The following SPP2 variants were observed in gnomAD, a reference collection of about 807,000 sequenced individuals.
SPP2 encodes secreted phosphoprotein 2.
SPP2 carries 34 observed loss-of-function variants against 28.8 expected under a neutral mutation model. The ratio of observed to expected loss-of-function variants is 1.18; its 90% CI spans 0.90 to 1.57. The LOEUF is 1.57. SPP2 is among the 40% of genes most tolerant of loss of function. The probability of loss-of-function intolerance (pLI) is 0.00; values close to 1 mark genes in which losing one functional copy is unlikely to be tolerated. For synonymous variants in SPP2, 96 were observed against 89.4 expected (o/e 1.07, Z -0.42); for missense variants, 269 against 263.9 (o/e 1.02, Z -0.13).
chr2:234,061,352 T>C (rs1197512659), intron 4 of SPP2, among the ~76,000 whole-genome samples: 1 of 152,118 alleles, frequency 6.6e-6, no homozygotes, highest in Non-Finnish European at 1.5e-5. Context: ...GTTGTATAAA[T>C]GCAAGAAAAC....
chr2:234,067,444 A>G lies in SPP2; in HGVS notation c.550+170A>G, dbSNP rs1054392120. Among the ~76,000 whole-genome samples, 12 of 152,200 alleles carry G rather than the reference A, an allele frequency of 7.9e-5. 1 individual carries two copies. The highest frequency in any genetic ancestry group is 7.9e-4 in the Admixed American group (12 of 15,282). ...TAGTAATGTATAAACTTGCTTTGCAAATCATTAAAAAGGTAGCCTTGAGGC... is the reference window on the plus strand; with the variant it reads ...TAGTAATGTATAAACTTGCTTTGCAGATCATTAAAAAGGTAGCCTTGAGGC... On this transcript the variant is annotated intron_variant, in intron 6 of 7. Coordinates refer to ENST00000168148, the MANE Select transcript of SPP2 (RefSeq NM_006944.3).
Position 234,060,405 on chromosome 2 carries a change from GC to G in SPP2, c.373del (p.Gln125SerfsTer25), listed in dbSNP as rs763798853. On this transcript the variant is annotated frameshift_variant, in exon 4 of 8. Transcript: ENST00000168148. LOFTEE classifies it high-confidence loss of function. ...TTGCAGAAGCACCGTGAAGGTATCT[GC>G]CCAGCAGGTGCAGGGCGTGCATGCT... The part of the protein sequence containing the change: ...AVCRSTVKVS[A>X]QQVQGVHARC... 6.2e-7 allele frequency: 1 copy of G among 1,613,952 alleles called. No homozygotes were observed. The highest frequency in any genetic ancestry group is 1.7e-5 in the Admixed American group (1 of 59,982).
At chr2:234,065,490 G>A (rs556679234) in intron 4 of SPP2, among the ~76,000 whole-genome samples, 2 of 152,314 alleles carry the variant, frequency 1.3e-5, no homozygotes, top group South Asian at 4.1e-4. Flanking sequence ...ATGTTGGCCT[G>A]CCTGGTCTCC....
At chr2:234,060,507 G>T (rs1338928239) in intron 4 of SPP2, 28 bp downstream of exon 4, 1 of 1,568,218 alleles carries the variant, frequency 6.4e-7, no homozygotes, top group Non-Finnish European at 8.8e-7. Context: ...TCTCCTCCCA[G>T]ACCGCACCTC....
rs1693645164 is a variant in SPP2 at position 234,058,164 on chromosome 2, A to T, written c.211-672A>T. ...CAACAGCACTGTGACTCCTGCCTGA[A>T]CAAAGCTTACCTTACTCACATATTT... On this transcript the variant is annotated intron_variant, in intron 2 of 7. Coordinates refer to ENST00000168148, the MANE Select transcript of SPP2 (RefSeq NM_006944.3). Among the ~76,000 whole-genome samples the T allele has an allele frequency of 1.3e-5, 2 of 152,230 alleles. 1 individual carries two copies. Among genetic ancestry groups the T allele is most frequent in the South Asian group, 4.1e-4 (2 of 4,832 alleles).
rs190406659 is a variant in SPP2, at chr2:234,053,276, C to T, written c.210+2181C>T. On this transcript the variant is annotated intron_variant, in intron 2 of 7. Transcript: ENST00000168148. ...TAAACATATTTACTAGCATGTTAAA[C>T]GTTAAATTAGTAAATATTTAAAACT... Among the ~76,000 whole-genome samples the T allele has an allele frequency of 2.6e-5, 4 of 152,208 alleles. No homozygotes were observed. In the East Asian group the frequency reaches 5.8e-4, roughly 22 times the overall value.
At chr2:234,062,761 A>T (rs1693745395) in intron 4 of SPP2, among the ~76,000 whole-genome samples, 1 of 152,194 alleles carries the variant, frequency 6.6e-6, no homozygotes, top group South Asian at 2.1e-4. Flanking sequence ...GAATTTAGTA[A>T]ATGGCCAGCT....
chr2:234,053,306 A>G (rs1365836008), intron 2 of SPP2, among the ~76,000 whole-genome samples: 5 of 152,198 alleles, frequency 3.3e-5, no homozygotes, highest in African/African-American at 1.2e-4. Context: ...AAAACTTTCA[A>G]TTGCATAGTT....
At chr2:234,075,000 C>CAAAAAAAAAA (rs3078239) in intron 7 of SPP2, among the ~76,000 whole-genome samples, 1 of 116,958 alleles carries the variant, frequency 8.6e-6, no homozygotes, top group Non-Finnish European at 1.7e-5. Context: ...CACAAAAATG[C>CAAAAAAAAAA]AAAAAAAAAA....
rs144791670 is a variant in SPP2 at position 234,066,551 on chromosome 2, T to C, written c.463T>C (p.Leu155=). 1.1e-5 allele frequency: 17 copies of C among 1,612,492 alleles called. No homozygotes were observed. In the African/African-American group the frequency reaches 2.1e-4, roughly 20 times the overall value. The change falls in exon 5 of 8, where the codon TTG becomes CTG. Residue 155 remains leucine (L), a synonymous_variant. Coordinates refer to ENST00000168148, the MANE Select transcript of SPP2 (RefSeq NM_006944.3). ...SSEEMIFGDM[L]GSHKWRNNYL... ...TCTTTAGATGATTTTTGGGGACATG[T>C]TGGGATCTCATAAATGGAGAAACAA...
At chr2:234,067,314 C>T in intron 6 of SPP2, 40 bp downstream of exon 6, 1 of 1,584,536 alleles carries the variant, frequency 6.3e-7, no homozygotes, top group Non-Finnish European at 8.7e-7. Context: ...AGACCCTTTT[C>T]TGATCAATCT....
chr2:234,056,316 A>C (rs1454028178), intron 2 of SPP2: 1 of 152,242 alleles, frequency 6.6e-6, no homozygotes, highest in Admixed American at 6.5e-5. Context: ...ACACATGAAA[A>C]AATGCTCATC....
intron 4 of SPP2, among the ~76,000 whole-genome samples, chr2:234,060,877 G>A (rs1693708474): frequency 6.6e-6 from 1 of 152,102 alleles, no homozygotes; most frequent in African/African-American, 2.4e-5. Context: ...GTGGCTCGCT[G>A]GCACTGTGGT....
chr2:234,076,637 T>C (rs1690904269), intron 7 of SPP2, among the ~76,000 whole-genome samples: 1 of 152,142 alleles, frequency 6.6e-6, no homozygotes, highest in Admixed American at 6.5e-5. Context: ...GTGGCAGCTG[T>C]GGCCAACCTA....
At position 234,050,706 on chromosome 2, in the gene SPP2, T is replaced by A; in HGVS notation, c.-81T>A. 1.7e-6 allele frequency: 2 copies of A among 1,210,062 alleles called. No individual in the cohort carries two copies. The highest frequency in any genetic ancestry group is 2.4e-6 in the Non-Finnish European group (2 of 824,076). The allele number at this position is 1,210,062 out of a possible 1,614,324, so 75.0% of individuals were successfully genotyped here. ...CTGCAGTCAAAATAAGCAGCCAGTG[T>A]TTGATAAAGACAGCTCCTCTTAGGA... On this transcript the variant is annotated 5_prime_UTR_variant, in exon 1 of 8. Transcript: ENST00000168148.
intron 2 of SPP2, among the ~76,000 whole-genome samples, chr2:234,054,230 G>A (rs1482539858): frequency 2.0e-5 from 3 of 152,220 alleles, no homozygotes; most frequent in Non-Finnish European, 4.4e-5. Context: ...CTAGAGCCAA[G>A]TGAGCCTGGG....
intron 3 of SPP2, among the ~76,000 whole-genome samples, chr2:234,059,943 A>G (rs899705643): frequency 6.6e-6 from 1 of 152,098 alleles, no homozygotes; most frequent in Non-Finnish European, 1.5e-5. Flanking sequence ...TTGATTTGTT[A>G]TTTGTTTCAT....
In SPP2 at chr2:234,066,599, T is replaced by C; in HGVS notation, c.499+12T>C. ...CAATTATCTATTTGGTAAGTTAAGA[T>C]CTGTTCTTTTTAACTTTTTTTCTTA... On this transcript the variant is annotated intron_variant, in intron 5 of 7. Coordinates refer to ENST00000168148, the MANE Select transcript of SPP2 (RefSeq NM_006944.3). The C allele has an allele frequency of 6.2e-7, 1 of 1,601,272 alleles. No homozygotes were observed. Among genetic ancestry groups the C allele is most frequent in the South Asian group, 1.1e-5 (1 of 88,970 alleles).
intron 2 of SPP2, among the ~76,000 whole-genome samples, chr2:234,051,489 T>C (rs550696122): frequency 1.3e-5 from 2 of 152,316 alleles, no homozygotes; most frequent in East Asian, 3.9e-4. Flanking sequence ...GGCTTTTGAG[T>C]CAAAGAAATT....
Sources: allele counts gnomAD v4.1 joint callset (sites outside exome capture counted in the v4.1 genomes callset), GRCh38; gene constraint gnomAD v4.1.1; transcripts MANE v1.5; gene names NCBI Gene and HGNC (gene_info 2026-07-23, HGNC 2026-07-21).